Variants in SPIDR observed in about 807,000 individuals in gnomAD.
SPIDR encodes DNA repair-scaffolding protein.
A neutral mutation model predicts 104.6 loss-of-function variants in SPIDR; 93 were observed. That is an observed-to-expected ratio of 0.89 (90% CI 0.75 to 1.06). SPIDR has a LOEUF of 1.06. Ranked by LOEUF, SPIDR falls within the 50% of genes least tolerant of loss-of-function variation. The probability of loss-of-function intolerance (pLI) is 0.00; values close to 1 mark genes in which losing one functional copy is unlikely to be tolerated. For synonymous variants in SPIDR, 431 were observed against 416.9 expected (o/e 1.03, Z -0.41); for missense variants, 1,154 against 1,111.2 (o/e 1.04, Z -0.55).
In SPIDR at chr8:47,606,302, G is replaced by A. The variant is rs548689840; in HGVS notation, c.1544+7106G>A. Among the ~76,000 whole-genome samples, 17 of 151,898 alleles carry A rather than the reference G, an allele frequency of 1.1e-4. 1 individual carries two copies. The South Asian group carries it at 2.5e-3, about 22-fold the overall frequency. On this transcript the variant is annotated intron_variant, in intron 10 of 19. Coordinates refer to ENST00000297423, the MANE Select transcript of SPIDR (RefSeq NM_001080394.4). ...TGGGAGGCCGAGGTGGGTGGATCAC[G>A]AGGTCAAGAGATCGAGACCATCCTG...
At chr8:47,596,660 AT>A (rs1241254408) in intron 9 of SPIDR, among the ~76,000 whole-genome samples, 1 of 151,908 alleles carries the variant, frequency 6.6e-6, no homozygotes, top group African/African-American at 2.4e-5. Flanking sequence ...ACTAAATTAA[AT>A]TTTTTTCTTC....
chr8:47,378,996 T>C (rs2059010454), intron 5 of SPIDR, among the ~76,000 whole-genome samples: 1 of 152,138 alleles, frequency 6.6e-6, no homozygotes, highest in African/African-American at 2.4e-5. Flanking sequence ...CCACATTGAG[T>C]CTTGCTGTTA....
At chr8:47,534,900 G>T (rs1587338974) in intron 8 of SPIDR, among the ~76,000 whole-genome samples, 2 of 151,956 alleles carry the variant, frequency 1.3e-5, no homozygotes, top group African/African-American at 4.8e-5. Context: ...TAAATGTGGA[G>T]CCAGATTAAG....
Position 47,489,808 on chromosome 8 carries a change from G to T in SPIDR, c.1097+49266G>T, listed in dbSNP as rs534139697. Among the ~76,000 whole-genome samples the T allele has an allele frequency of 2.7e-3, 416 of 152,276 alleles. 1 individual carries two copies. Among genetic ancestry groups the T allele is most frequent in the African/African-American group, 9.8e-3 (406 of 41,544 alleles). The stretch of plus-strand genomic sequence containing the variant: ...AAAACTGGCTAGCCATATGTAGAAA[G>T]CTGAAACTGGATCCCTTCCTTACAC... On this transcript the variant is annotated intron_variant, in intron 8 of 19. Transcript: ENST00000297423.
At chr8:47,668,769 A>G (rs2075365025) in intron 10 of SPIDR, among the ~76,000 whole-genome samples, 1 of 152,262 alleles carries the variant, frequency 6.6e-6, no homozygotes, top group East Asian at 1.9e-4. Flanking sequence ...GATGGATTAC[A>G]AAAGTTCAAT....
rs1407522268 is a variant in SPIDR, at chr8:47,330,860, G to A, written c.525+36830G>A. ...GGAGATAAACTTTCAACTCCTTTGAGTAGATACCAAGCAGAGCAACTATTG... is the reference window on the plus strand; with the variant it reads ...GGAGATAAACTTTCAACTCCTTTGAATAGATACCAAGCAGAGCAACTATTG... On this transcript the variant is annotated intron_variant, in intron 5 of 19. Coordinates refer to ENST00000297423, the MANE Select transcript of SPIDR (RefSeq NM_001080394.4). 5 of 455,580 alleles carry A rather than the reference G, an allele frequency of 1.1e-5. No homozygotes were observed. The Admixed American group carries it at 1.2e-4, about 11-fold the overall frequency. 28.2% of individuals were successfully genotyped at this position (455,580 alleles called of 1,614,324 possible). A position where few individuals can be genotyped will look rare whatever the true frequency, so the allele number is the denominator to read the frequency against.
At chr8:47,265,329 A>G (rs1174212510) in intron 1 of SPIDR, among the ~76,000 whole-genome samples, 1 of 151,496 alleles carries the variant, frequency 6.6e-6, no homozygotes, top group Admixed American at 6.6e-5. Flanking sequence ...AGCTGGGACC[A>G]CAGGCCATGC....
chr8:47,427,246 A>G (rs2066558954), intron 7 of SPIDR, among the ~76,000 whole-genome samples: 1 of 149,888 alleles, frequency 6.7e-6, no homozygotes, highest in Non-Finnish European at 1.5e-5. Context: ...TATTATAAAT[A>G]TAAAATAAAT....
chr8:47,390,600 AAAAACT>A (rs1431516863), intron 5 of SPIDR, among the ~76,000 whole-genome samples: 1 of 151,980 alleles, frequency 6.6e-6, no homozygotes, highest in Non-Finnish European at 1.5e-5. Flanking sequence ...TAAAAAAAAA[AAAAACT>A]AAAGAAAAAC....
intron 8 of SPIDR, among the ~76,000 whole-genome samples, chr8:47,517,891 C>T (rs928677283): frequency 7.9e-5 from 12 of 152,206 alleles, no homozygotes; most frequent in Admixed American, 7.9e-4. Flanking sequence ...AATTTTCCCT[C>T]ACTGATTTTA....
intron 6 of SPIDR, among the ~76,000 whole-genome samples, chr8:47,406,046 C>T (rs1394686242): frequency 6.7e-6 from 1 of 149,376 alleles, no homozygotes; most frequent in Admixed American, 6.7e-5. Context: ...TTACGAGGTT[C>T]TAGGCTTGAC....
chr8:47,603,557 TAA>T (rs2062565270), intron 10 of SPIDR, among the ~76,000 whole-genome samples: 1 of 147,692 alleles, frequency 6.8e-6, no homozygotes, highest in African/African-American at 2.5e-5. Context: ...CATACCCAGC[TAA>T]TTTTTTTTTT....
chr8:47,392,213 A>G (rs182784383), intron 5 of SPIDR, among the ~76,000 whole-genome samples: 14 of 152,208 alleles, frequency 9.2e-5, no homozygotes, highest in Middle Eastern at 3.4e-3. Context: ...CAAAGAAACT[A>G]CCTTAGGGAA....
intron 8 of SPIDR, among the ~76,000 whole-genome samples, chr8:47,479,795 G>A (rs1187020734): frequency 6.6e-6 from 1 of 152,182 alleles, no homozygotes; most frequent in Admixed American, 6.5e-5. Flanking sequence ...GGGAAGTAAG[G>A]CTTATCAGTT....
chr8:47,572,708 A>ATAAATAAC (rs1381705109), intron 8 of SPIDR, among the ~76,000 whole-genome samples: 6 of 148,462 alleles, frequency 4.0e-5, no homozygotes, highest in Admixed American at 1.4e-4. Flanking sequence ...AAATAAATAA[A>ATAAATAAC]TAACTTGTAC....
chr8:47,401,739 G>A (rs2061922886), intron 6 of SPIDR, among the ~76,000 whole-genome samples: 1 of 152,182 alleles, frequency 6.6e-6, no homozygotes, highest in African/African-American at 2.4e-5. Flanking sequence ...GACAAAGAAG[G>A]CCATTACATA....
intron 5 of SPIDR, among the ~76,000 whole-genome samples, chr8:47,350,475 G>T (rs1439095438): frequency 6.6e-6 from 1 of 152,086 alleles, no homozygotes; most frequent in African/African-American, 2.4e-5. Context: ...CACCATGCCT[G>T]GCTAACTTTT....
intron 7 of SPIDR, among the ~76,000 whole-genome samples, chr8:47,410,392 G>A (rs1409139779): frequency 6.6e-6 from 1 of 151,888 alleles, no homozygotes; most frequent in African/African-American, 2.4e-5. Flanking sequence ...TGCTGGGCAA[G>A]CTGATCTCGA....
intron 8 of SPIDR, among the ~76,000 whole-genome samples, chr8:47,577,519 G>A (rs746390495): frequency 7.2e-5 from 11 of 152,182 alleles, no homozygotes; most frequent in Non-Finnish European, 1.5e-4. Flanking sequence ...ATAAATAAAG[G>A]TGGCCCACCG....
Sources: gnomAD v4.1 joint callset for allele counts (sites outside exome capture counted in the v4.1 genomes callset) on GRCh38, gnomAD v4.1.1 for gene constraint, MANE v1.5 for transcripts, NCBI Gene and HGNC (gene_info 2026-07-23, HGNC 2026-07-21) for gene names.